Variants in SLC6A18 observed in about 807,000 individuals in gnomAD.
SLC6A18 encodes solute carrier family 6 member 18.
Under a neutral mutation model 62.9 loss-of-function variants are expected in SLC6A18, and 58 were observed. The observed-to-expected ratio is 0.92, with a 90% CI of 0.75 to 1.15. The LOEUF is 1.15. Among genes scored for constraint, SLC6A18 ranks in the 50% most tolerant of loss-of-function variants. The probability of loss-of-function intolerance (pLI) is 0.00; values close to 1 mark genes in which losing one functional copy is unlikely to be tolerated. For missense variants in SLC6A18, 793 were observed against 836.6 expected (o/e 0.95, Z 0.64); for synonymous variants, 382 against 365.8 (o/e 1.04, Z -0.51).
intron 7 of SLC6A18, among the ~76,000 whole-genome samples, chr5:1,242,225 C>T (rs1474541159): frequency 6.6e-6 from 1 of 152,236 alleles, no homozygotes; most frequent in Non-Finnish European, 1.5e-5. Context: ...TGGGGGAGTG[C>T]TCCCCTTCCA....
rs771099274 is a variant in SLC6A18 at position 1,244,275 on chromosome 5, C to T, written c.1398C>T (p.Tyr466=). The change falls in exon 10 of 12, where the codon TAC becomes TAT. Residue 466 remains tyrosine, a synonymous_variant. Coordinates refer to ENST00000324642, the MANE Select transcript of SLC6A18 (RefSeq NM_182632.3). ...GCTTCACGCTGCAGTCTGGGAACTA[C>T]TGGCTGGAGATTTTCGACAATTTTG... is the stretch of plus-strand genomic sequence containing the variant. The part of the protein sequence containing the change: ...ATCFTLQSGN[Y]WLEIFDNFAA... The T allele has an allele frequency of 9.9e-6, 16 of 1,613,412 alleles. No homozygotes were observed.
Position 1,232,864 on chromosome 5 carries a change from T to C in SLC6A18, c.415T>C (p.Cys139Arg). 4 of 1,612,678 alleles carry C rather than the reference T, an allele frequency of 2.5e-6. No homozygotes were observed. The highest frequency in any genetic ancestry group is 3.4e-6 in the Non-Finnish European group (4 of 1,179,716). ...CCAGCACCCGCTGCCCTGGAGCTCCTGCCCACCGGACCTCAACAGAACAGG... is the reference window on the plus strand; with the variant it reads ...CCAGCACCCGCTGCCCTGGAGCTCCCGCCCACCGGACCTCAACAGAACAGG... ...SFQHPLPWSS[C>R]PPDLNRTGFV... The change falls in exon 3 of 12, where the codon TGC (cysteine) becomes CGC (arginine). Residue 139 changes from cysteine (C) to arginine (R), a missense_variant. By Grantham distance (180) the Cys-to-Arg change is radical. Transcript: ENST00000324642.
chr5:1,239,597 G>C lies in SLC6A18; in HGVS notation c.845+35G>C, dbSNP rs746832913. On this transcript the variant is annotated intron_variant, in intron 6 of 11. Coordinates refer to ENST00000324642, the MANE Select transcript of SLC6A18 (RefSeq NM_182632.3). ...CGGGCTCAGCTGTCCAGCCAGGGAAGCTTTGGGGAGACGCCCGAGCACTTC... is the reference window on the plus strand; with the variant it reads ...CGGGCTCAGCTGTCCAGCCAGGGAACCTTTGGGGAGACGCCCGAGCACTTC... The C allele has an allele frequency of 2.0e-6, 3 of 1,525,436 alleles. No homozygotes were observed. The African/African-American group carries it at 4.1e-5, about 21-fold the overall frequency. 94.5% of individuals were successfully genotyped at this position (1,525,436 alleles called of 1,614,324 possible).
chr5:1,233,770 C>G (rs902084921), intron 3 of SLC6A18, among the ~76,000 whole-genome samples: 8 of 109,340 alleles, frequency 7.3e-5, no homozygotes, highest in East Asian at 6.0e-4. Context: ...GAGACGGAGT[C>G]TTGCTCTGTC....
intron 3 of SLC6A18, 131 bp downstream of exon 3, chr5:1,233,019 C>A: frequency 7.3e-7 from 1 of 1,361,684 alleles, no homozygotes; most frequent in South Asian, 1.4e-5. Flanking sequence ...GAACCGGTTG[C>A]TCTGTGTGCA....
At chr5:1,226,787 C>A (rs1746580698) in intron 1 of SLC6A18, among the ~76,000 whole-genome samples, 1 of 152,138 alleles carries the variant, frequency 6.6e-6, no homozygotes, top group Non-Finnish European at 1.5e-5. Flanking sequence ...CTCCCGGGGC[C>A]CTCGCTGCCT....
At position 1,240,017 on chromosome 5, in the gene SLC6A18, C is replaced by G. The variant is rs182602577; in HGVS notation, c.845+455C>G. Among the ~76,000 whole-genome samples, 874 of 152,326 alleles carry G rather than the reference C, an allele frequency of 5.7e-3. 11 individuals are homozygous for G. The highest frequency in any genetic ancestry group is 0.01 in the Admixed American group (160 of 15,306). ...TTTCCCGTGGCTGCCAGTATTTCTG[C>G]CCCCTTCGGAGGCAGGCAGTTTGCA... On this transcript the variant is annotated intron_variant, in intron 6 of 11. Coordinates refer to ENST00000324642, the MANE Select transcript of SLC6A18 (RefSeq NM_182632.3).
chr5:1,244,537 T>G, intron 10 of SLC6A18, 71 bp from the exon 11 acceptor site: 1 of 1,548,826 alleles, frequency 6.5e-7, no homozygotes, highest in Non-Finnish European at 8.7e-7. Flanking sequence ...CCAGTTAGGG[T>G]CCGATCCTCG....
chr5:1,229,267 A>G (rs1413280333), intron 1 of SLC6A18, among the ~76,000 whole-genome samples: 8 of 151,544 alleles, frequency 5.3e-5, no homozygotes, highest in African/African-American at 1.9e-4. Context: ...AGAAACCCTC[A>G]ATTCACAGAA....
rs1165059921 is a variant in SLC6A18 at position 1,243,528 on chromosome 5, T to C, written c.1132-27T>C. 2 of 1,609,770 alleles carry C rather than the reference T, an allele frequency of 1.2e-6. No homozygotes were observed. Among genetic ancestry groups the C allele is most frequent in the East Asian group, 4.5e-5 (2 of 44,852 alleles). ...TGGTGGAGTGTGTGTGTGCGTGGCC[T>C]GAAGCCCGGGGCTCCGTGTATTGCA... On this transcript the variant is annotated intron_variant, in intron 8 of 11. Coordinates refer to ENST00000324642, the MANE Select transcript of SLC6A18 (RefSeq NM_182632.3). This position sits in a 1 kb window ranked among gnomAD's most constrained non-coding sequence, Gnocchi z 6.5.
In SLC6A18 at chr5:1,241,736, G is replaced by A. The variant is rs1398239539; in HGVS notation, c.975-971G>A. On this transcript the variant is annotated intron_variant, in intron 7 of 11. Transcript: ENST00000324642. The surrounding 1 kb of genome is among the most constrained non-coding windows in gnomAD (Gnocchi z 7.8). ...CTGGGCTTTGTTCAGCCCCAGCCGGGGACGTGCATGGCGGGCAACTCTGAT... is the reference window on the plus strand; with the variant it reads ...CTGGGCTTTGTTCAGCCCCAGCCGGAGACGTGCATGGCGGGCAACTCTGAT... 2.0e-5 allele frequency among the ~76,000 whole-genome samples: 3 copies of A among 152,214 alleles called. No individual in the cohort carries two copies. Among genetic ancestry groups the A allele is most frequent in the African/African-American group, 7.2e-5 (3 of 41,450 alleles).
At chr5:1,233,872 G>T (rs1315665314) in intron 3 of SLC6A18, among the ~76,000 whole-genome samples, 1 of 151,928 alleles carries the variant, frequency 6.6e-6, no homozygotes, top group South Asian at 2.1e-4. Context: ...CTCCCAAATA[G>T]CTAGGACTAC....
At position 1,246,149 on chromosome 5, in the gene SLC6A18, C is replaced by A; in HGVS notation, c.*71C>A. The A allele has an allele frequency of 6.7e-7, 1 of 1,481,610 alleles. No individual in the cohort carries two copies. Among genetic ancestry groups the A allele is most frequent in the Non-Finnish European group, 8.9e-7 (1 of 1,121,998 alleles). The allele number at this position is 1,481,610 out of a possible 1,614,324, so 91.8% of individuals were successfully genotyped here. The stretch of plus-strand genomic sequence containing the variant: ...TGGCCTGATGGTGGGCGGGGCCCCG[C>A]CCACAGGGCCGACCCCAATACACCA... On this transcript the variant is annotated 3_prime_UTR_variant, in exon 12 of 12. Coordinates refer to ENST00000324642, the MANE Select transcript of SLC6A18 (RefSeq NM_182632.3).
intron 5 of SLC6A18, among the ~76,000 whole-genome samples, chr5:1,239,050 G>C (rs1746978959): frequency 6.6e-6 from 1 of 152,154 alleles, no homozygotes; most frequent in South Asian, 2.1e-4. Context: ...CCAGGCCCCA[G>C]AAGCAGAAAA....
intron 3 of SLC6A18, among the ~76,000 whole-genome samples, chr5:1,233,748 A>ACTTTTTTTT: frequency 9.9e-6 from 1 of 100,670 alleles, no homozygotes; most frequent in Non-Finnish European, 2.4e-5. Flanking sequence ...ACACTCAGCT[A>ACTTTTTTTT]ATTTTTTTTT....
At chr5:1,244,166 T>TCCCCCCCC in intron 9 of SLC6A18, 48 bp from the exon 10 acceptor site, 3 of 751,312 alleles carry the variant, frequency 4.0e-6, no homozygotes, top group Non-Finnish European at 2.2e-6. Flanking sequence ...TCCCCACACC[T>TCCCCCCCC]CCACTCCCCA....
intron 1 of SLC6A18, among the ~76,000 whole-genome samples, chr5:1,227,214 G>A (rs974078650): frequency 2.6e-5 from 4 of 152,120 alleles, no homozygotes; most frequent in Non-Finnish European, 5.9e-5. Context: ...ATTGCTAAGC[G>A]CCTGCAGTGT....
chr5:1,234,588 C>T (rs1283327724), intron 3 of SLC6A18, among the ~76,000 whole-genome samples: 2 of 152,274 alleles, frequency 1.3e-5, no homozygotes, highest in Admixed American at 6.5e-5. Flanking sequence ...GTTAAGTCCT[C>T]TCTCAATGCA....
Position 1,246,055 on chromosome 5 carries a change from C to A in SLC6A18, c.1864C>A (p.Arg622Ser). ...GGACACGCGCCCAGACACGGACATGCGCCCGGACACGGACATGCGCTGAAG... is the reference window on the plus strand; with the variant it reads ...GGACACGCGCCCAGACACGGACATGAGCCCGGACACGGACATGCGCTGAAG... Reference protein sequence around the residue: ...DTDTRPDTDMRPDTDMR With the variant: ...DTDTRPDTDMSPDTDMR The change falls in exon 12 of 12, where the codon CGC (arginine) becomes AGC (serine). Residue 622 changes from arginine (R) to serine (S), a missense_variant. By Grantham distance (110) the Arg-to-Ser change is moderately radical. Coordinates refer to ENST00000324642, the MANE Select transcript of SLC6A18 (RefSeq NM_182632.3). 6.3e-7 allele frequency: 1 copy of A among 1,586,698 alleles called. No homozygotes were observed. Among genetic ancestry groups the A allele is most frequent in the Non-Finnish European group, 8.5e-7 (1 of 1,172,522 alleles).
Sources: gnomAD v4.1 joint callset for allele counts (sites outside exome capture counted in the v4.1 genomes callset) on GRCh38, gnomAD v4.1.1 for gene constraint, Gnocchi (gnomAD v3.1) non-coding constraint, MANE v1.5 for transcripts, NCBI Gene and HGNC (gene_info 2026-07-23, HGNC 2026-07-21) for gene names.